The following SCFD2 variants were observed in gnomAD, a reference collection of about 807,000 sequenced individuals.
SCFD2 encodes the protein sec1 family domain containing 2.
SCFD2 carries 54 observed loss-of-function variants against 58.9 expected under a neutral mutation model. That is an observed-to-expected ratio of 0.92 (90% confidence interval 0.74 to 1.15). The LOEUF is 1.15. Ranked by LOEUF, SCFD2 falls within the 50% of genes most tolerant of loss-of-function variation. The probability of loss-of-function intolerance (pLI) is 0.00; values close to 1 mark genes in which losing one functional copy is unlikely to be tolerated. For synonymous variants in SCFD2, 321 were observed against 335.9 expected, an observed-to-expected ratio of 0.96 and a Z score of 0.49; for missense variants, 805 against 836.6, an observed-to-expected ratio of 0.96 and a Z score of 0.47.
intron 5 of SCFD2, among the ~76,000 whole-genome samples, chr4:53,047,885 T>C (rs1723082713): frequency 6.6e-6 from 1 of 152,124 alleles, no homozygotes; most frequent in Non-Finnish European, 1.5e-5. Context: ...GGTGTCTAAT[T>C]CTTCTGAAAA....
chr4:52,966,037 C>T (rs1409107045), intron 5 of SCFD2, among the ~76,000 whole-genome samples: 5 of 152,270 alleles, frequency 3.3e-5, no homozygotes, highest in African/African-American at 2.4e-5. Flanking sequence ...AAAAATGGCA[C>T]GATCCTATGA....
chr4:53,084,586 G>T (rs982936457), intron 5 of SCFD2, among the ~76,000 whole-genome samples: 24 of 152,204 alleles, frequency 1.6e-4, no homozygotes, highest in African/African-American at 5.8e-4. Context: ...GTATTATTTG[G>T]GAACTGATAA....
At chr4:53,103,857 T>C (rs1164997268) in intron 5 of SCFD2, among the ~76,000 whole-genome samples, 1 of 100,190 alleles carries the variant, frequency 1.0e-5, no homozygotes, top group Non-Finnish European at 2.0e-5. Context: ...CAGATGCCAC[T>C]GAAAGAGCTC....
At chr4:53,229,904 T>C (rs968208507) in intron 4 of SCFD2, among the ~76,000 whole-genome samples, 26 of 151,852 alleles carry the variant, frequency 1.7e-4, no homozygotes, top group Non-Finnish European at 1.2e-4. Context: ...GAATCTACAA[T>C]GAACTCAAAC....
intron 5 of SCFD2, among the ~76,000 whole-genome samples, chr4:53,066,907 AT>A (rs1214013071): frequency 6.6e-6 from 1 of 152,034 alleles, no homozygotes; most frequent in Non-Finnish European, 1.5e-5. Context: ...ATGCTCTCCC[AT>A]TAGAATGCAG....
chr4:53,120,063 GA>G (rs1271552749), intron 5 of SCFD2, among the ~76,000 whole-genome samples: 33 of 152,294 alleles, frequency 2.2e-4, no homozygotes, highest in Middle Eastern at 6.8e-3. Flanking sequence ...ACTAATGGGT[GA>G]AAATGTATCC....
chr4:53,352,738 T>A lies in SCFD2; in HGVS notation c.867A>T (p.Leu289Phe). The change falls in exon 2 of 9, where the codon TTA (leucine) becomes TTT (phenylalanine). Residue 289 changes from leucine to phenylalanine, a missense_variant. Leu to Phe is a conservative substitution (Grantham distance 22). Coordinates refer to ENST00000401642, the MANE Select transcript of SCFD2 (RefSeq NM_152540.4). ...TGAVGHHGDN[L>F]VEKIISALPQ... ...GAAGTGCTGAAATGATCTTCTCTAC[T>A]AAGTTGTCTCCATGATGTCCAACTG... 6.2e-7 allele frequency: 1 copy of A among 1,614,134 alleles called. No individual in the cohort carries two copies. Among genetic ancestry groups the A allele is most frequent in the Non-Finnish European group, 8.5e-7 (1 of 1,179,994 alleles).
At chr4:53,227,191 T>G (rs1414135120) in intron 4 of SCFD2, among the ~76,000 whole-genome samples, 2 of 152,150 alleles carry the variant, frequency 1.3e-5, no homozygotes, top group Non-Finnish European at 2.9e-5. Context: ...CACTCTACAA[T>G]TTTCTATAAA....
chr4:53,010,493 C>T (rs1196840454), intron 5 of SCFD2, among the ~76,000 whole-genome samples: 4 of 152,210 alleles, frequency 2.6e-5, no homozygotes, highest in African/African-American at 9.7e-5. Context: ...ACTTGGGAAT[C>T]CAGCTGCTTC....
chr4:53,156,679 C>T (rs1726699118), intron 4 of SCFD2, among the ~76,000 whole-genome samples: 1 of 152,216 alleles, frequency 6.6e-6, no homozygotes, highest in Non-Finnish European at 1.5e-5. Context: ...GCTTGGGCGA[C>T]AGAGTGAGAC....
chr4:52,914,674 C>G (rs937170719), intron 6 of SCFD2, among the ~76,000 whole-genome samples: 2 of 151,958 alleles, frequency 1.3e-5, no homozygotes, highest in South Asian at 4.2e-4. Context: ...TTTGAGGGCC[C>G]ATGAAAATAC....
chr4:53,209,983 T>G (rs1728558063), intron 4 of SCFD2, among the ~76,000 whole-genome samples: 1 of 152,134 alleles, frequency 6.6e-6, no homozygotes, highest in African/African-American at 2.4e-5. Flanking sequence ...TTCTCTCTTT[T>G]GAAGTGCTTT....
rs1721442385 is a variant in SCFD2 at position 52,984,324 on chromosome 4, CT to C, written c.1562-63455del. 7.2e-5 allele frequency among the ~76,000 whole-genome samples: 11 copies of C among 152,278 alleles called. No homozygotes were observed. In the South Asian group the frequency reaches 2.3e-3, roughly 32 times the overall value. On this transcript the variant is annotated intron_variant, in intron 5 of 8. Transcript: ENST00000401642. ...ACAAAGTGAAGAATTTGAGTGTTGT[CT>C]TTAATAGGAACTTTTTCTGCTGCTC... is the stretch of plus-strand genomic sequence containing the variant.
intron 4 of SCFD2, among the ~76,000 whole-genome samples, chr4:53,238,159 G>C (rs1160074793): frequency 7.1e-6 from 1 of 141,620 alleles, no homozygotes; most frequent in South Asian, 2.3e-4. Flanking sequence ...TCCCAGACGG[G>C]GTGGCTGGCC....
intron 5 of SCFD2, among the ~76,000 whole-genome samples, chr4:53,117,839 A>G (rs1725368645): frequency 6.6e-6 from 1 of 152,242 alleles, no homozygotes. Context: ...GGCTTCTTTA[A>G]AAAGCAAGAA....
At chr4:53,100,505 T>C (rs1724802245) in intron 5 of SCFD2, among the ~76,000 whole-genome samples, 1 of 152,194 alleles carries the variant, frequency 6.6e-6, no homozygotes, top group Non-Finnish European at 1.5e-5. Context: ...CCACTTCCTA[T>C]CCACGCTAGA....
chr4:52,908,904 A>G (rs1286767531), intron 6 of SCFD2, among the ~76,000 whole-genome samples: 3 of 152,208 alleles, frequency 2.0e-5, no homozygotes, highest in African/African-American at 7.2e-5. Flanking sequence ...TTACATGATC[A>G]GGAAGGGCAA....
chr4:53,273,069 A>G (rs1336543496), intron 4 of SCFD2, among the ~76,000 whole-genome samples: 3 of 152,244 alleles, frequency 2.0e-5, no homozygotes, highest in African/African-American at 7.2e-5. Context: ...GTTATATAGT[A>G]TCAAAAATGC....
chr4:52,975,219 T>C (rs1447803737), intron 5 of SCFD2, among the ~76,000 whole-genome samples: 3 of 152,062 alleles, frequency 2.0e-5, no homozygotes, highest in Non-Finnish European at 2.9e-5. Context: ...AAACTACCAC[T>C]AGAGTGAACA....
Sources: allele counts gnomAD v4.1 joint callset (sites outside exome capture counted in the v4.1 genomes callset), GRCh38; gene constraint gnomAD v4.1.1; transcripts MANE v1.5; gene names NCBI Gene and HGNC (gene_info 2026-07-23, HGNC 2026-07-21).